Variants in GRID2 observed in about 807,000 individuals in gnomAD.
GRID2 encodes the protein glutamate receptor ionotropic, delta-2.
Under a neutral mutation model 114.8 loss-of-function variants are expected in GRID2, and 33 were observed. The observed-to-expected ratio is 0.29, with a 90% CI of 0.22 to 0.38. The LOEUF is 0.38. GRID2 is among the 10% of genes least tolerant of loss of function. The probability of loss-of-function intolerance (pLI) is 1.00; values close to 1 mark genes in which losing one functional copy is unlikely to be tolerated. For missense variants in GRID2, 1,184 were observed against 1,257.7 expected, an observed-to-expected ratio of 0.94 and a Z score of 0.89; for synonymous variants, 505 against 449.9, an observed-to-expected ratio of 1.12 and a Z score of -1.55.
At chr4:92,408,431 C>CTTTTTTTTTTTTTTTTTATTTT (rs1731131836) in intron 1 of GRID2, among the ~76,000 whole-genome samples, 1 of 19,394 alleles carries the variant, frequency 5.2e-5, no homozygotes, top group African/African-American at 1.6e-4. Context: ...TATTCAAGCT[C>CTTTTTTTTTTTTTTTTTATTTT]TTTTTTTTTT....
intron 2 of GRID2, among the ~76,000 whole-genome samples, chr4:92,795,269 G>A (rs946851185): frequency 2.0e-4 from 31 of 151,952 alleles, no homozygotes; most frequent in Non-Finnish European, 4.6e-4. Flanking sequence ...AATTAATCAG[G>A]TGGGCTGGTC....
intron 14 of GRID2, among the ~76,000 whole-genome samples, chr4:93,750,373 ATC>A (rs1291005077): frequency 1.3e-5 from 2 of 152,200 alleles, no homozygotes; most frequent in Admixed American, 1.3e-4. Flanking sequence ...GTAAATAAGA[ATC>A]TCTGACTTGT....
intron 2 of GRID2, among the ~76,000 whole-genome samples, chr4:92,765,742 G>A (rs1738229630): frequency 6.6e-6 from 1 of 152,160 alleles, no homozygotes; most frequent in Non-Finnish European, 1.5e-5. Flanking sequence ...TCCAGACAGA[G>A]AGCACTAAAG....
At chr4:93,484,113 T>C (rs956239124) in intron 11 of GRID2, among the ~76,000 whole-genome samples, 1 of 151,938 alleles carries the variant, frequency 6.6e-6, no homozygotes, top group African/African-American at 2.4e-5. Context: ...TTATTTAGTT[T>C]TTAATTGTGA....
chr4:93,226,034 A>T (rs1745445886), intron 7 of GRID2, among the ~76,000 whole-genome samples: 2 of 152,158 alleles, frequency 1.3e-5, no homozygotes, highest in South Asian at 4.1e-4. Flanking sequence ...CTCATGATCT[A>T]ATCACCTCAA....
intron 2 of GRID2, among the ~76,000 whole-genome samples, chr4:92,887,150 G>A (rs902622320): frequency 6.6e-6 from 1 of 151,786 alleles, no homozygotes; most frequent in Non-Finnish European, 1.5e-5. Flanking sequence ...CTGGTTCCTT[G>A]TGCTATTTCC....
In GRID2 at chr4:92,970,718, GCTAA is replaced by G. The variant is rs551335457; in HGVS notation, c.245-114274_245-114271del. On this transcript the variant is annotated intron_variant, in intron 2 of 15. Coordinates refer to ENST00000282020, the MANE Select transcript of GRID2 (RefSeq NM_001510.4). ...AATTCCATTAGTGCACTGATATAAAGCTAACTGATAGAATTATTTCCAAATATTT... is the reference window on the plus strand; with the variant it reads ...AATTCCATTAGTGCACTGATATAAAGCTGATAGAATTATTTCCAAATATTT... Among the ~76,000 whole-genome samples the G allele has an allele frequency of 8.3e-4, 126 of 151,964 alleles. 1 individual carries two copies. Among genetic ancestry groups the G allele is most frequent in the Middle Eastern group, 3.4e-3 (1 of 294 alleles).
chr4:92,651,314 G>C (rs1731919902), intron 2 of GRID2, among the ~76,000 whole-genome samples: 1 of 152,034 alleles, frequency 6.6e-6, no homozygotes, highest in South Asian at 2.1e-4. Context: ...GGTCTCTGCT[G>C]CTGGCAGATT....
At chr4:93,114,752 G>A (rs947989444) in intron 4 of GRID2, among the ~76,000 whole-genome samples, 4 of 152,104 alleles carry the variant, frequency 2.6e-5, no homozygotes, top group African/African-American at 9.7e-5. Context: ...AGTGCTGGGA[G>A]CAGTTCATTC....
intron 2 of GRID2, among the ~76,000 whole-genome samples, chr4:92,641,242 T>A (rs1052929697): frequency 5.9e-5 from 9 of 151,550 alleles, no homozygotes; most frequent in African/African-American, 1.7e-4. Context: ...ATATATATAT[T>A]ATGAAAATTT....
intron 2 of GRID2, among the ~76,000 whole-genome samples, chr4:92,632,885 T>C (rs905819990): frequency 6.6e-5 from 10 of 152,150 alleles, no homozygotes; most frequent in African/African-American, 2.4e-4. Flanking sequence ...TAATTTCGGA[T>C]TTCATTATTT....
At chr4:93,024,462 T>C (rs889069147) in intron 2 of GRID2, among the ~76,000 whole-genome samples, 1 of 151,824 alleles carries the variant, frequency 6.6e-6, no homozygotes, top group African/African-American at 2.4e-5. Flanking sequence ...ATTTAAAATT[T>C]TCTTCTGAAG....
At chr4:93,369,432 C>T (rs1762661015) in intron 8 of GRID2, among the ~76,000 whole-genome samples, 1 of 152,152 alleles carries the variant, frequency 6.6e-6, no homozygotes, top group Non-Finnish European at 1.5e-5. Flanking sequence ...GATTTAATAT[C>T]TCTGGGTGAC....
chr4:92,592,594 G>C (rs1407273270), intron 2 of GRID2, among the ~76,000 whole-genome samples: 1 of 151,952 alleles, frequency 6.6e-6, no homozygotes. Flanking sequence ...AGGCAATAAG[G>C]TTCCCAGATA....
chr4:92,619,503 T>C lies in GRID2; in HGVS notation c.244+29217T>C, dbSNP rs1011105426. 4.6e-5 allele frequency among the ~76,000 whole-genome samples: 7 copies of C among 151,766 alleles called. No individual in the cohort carries two copies. In the East Asian group the frequency reaches 1.4e-3, roughly 30 times the overall value. ...GCTTGTATTGCAACCTCAGGTTTGTTGAGATGTTGGCCTTCCTTGATTTTT... is the reference window on the plus strand; with the variant it reads ...GCTTGTATTGCAACCTCAGGTTTGTCGAGATGTTGGCCTTCCTTGATTTTT... On this transcript the variant is annotated intron_variant, in intron 2 of 15. Transcript: ENST00000282020.
chr4:93,537,468 A>AC lies in GRID2; in HGVS notation c.2193+22057_2193+22058insC, dbSNP rs1170268780. Reference sequence around the variant, plus strand: ...ATGGTAAAAAGTGATAATTACCATCAAAGAAAGGCACAAATTAAGTTCTAT... The same window carrying AC: ...ATGGTAAAAAGTGATAATTACCATCACAAGAAAGGCACAAATTAAGTTCTAT... On this transcript the variant is annotated intron_variant, in intron 13 of 15. Transcript: ENST00000282020. Among the ~76,000 whole-genome samples, 3 of 151,802 alleles carry AC rather than the reference A, an allele frequency of 2.0e-5. No homozygotes were observed. The East Asian group carries it at 5.8e-4, about 29-fold the overall frequency.
chr4:92,733,824 T>C (rs1736450509), intron 2 of GRID2, among the ~76,000 whole-genome samples: 1 of 152,072 alleles, frequency 6.6e-6, no homozygotes, highest in Non-Finnish European at 1.5e-5. Context: ...CCACCAAGCC[T>C]GAGAATGCCA....
At chr4:93,020,264 G>T (rs1723153194) in intron 2 of GRID2, among the ~76,000 whole-genome samples, 1 of 152,122 alleles carries the variant, frequency 6.6e-6, no homozygotes, top group African/African-American at 2.4e-5. Context: ...ATTTACCAAG[G>T]ATAAATGGCT....
At chr4:92,769,560 C>G (rs1218142586) in intron 2 of GRID2, among the ~76,000 whole-genome samples, 1 of 152,218 alleles carries the variant, frequency 6.6e-6, no homozygotes, top group East Asian at 1.9e-4. Flanking sequence ...AGCACCATCC[C>G]TGCAGCAAAC....
Sources: gnomAD v4.1 joint callset for allele counts (sites outside exome capture counted in the v4.1 genomes callset) on GRCh38, gnomAD v4.1.1 for gene constraint, MANE v1.5 for transcripts, NCBI Gene and HGNC (gene_info 2026-07-23, HGNC 2026-07-21) for gene names.